TMEM38B: variants seen among roughly 807,000 people sequenced by gnomAD.
TMEM38B encodes trimeric intracellular cation channel type B.
Under a neutral mutation model 28.7 loss-of-function variants are expected in TMEM38B, and 24 were observed. The observed-to-expected ratio is 0.84, with a 90% CI of 0.61 to 1.18. TMEM38B has a LOEUF of 1.18. Ranked by LOEUF, TMEM38B falls within the 50% of genes most tolerant of loss-of-function variation. TMEM38B has a pLI of 0.00. For synonymous variants in TMEM38B, 131 were observed against 127.7 expected (o/e 1.03, Z -0.17); for missense variants, 380 against 350.9 (o/e 1.08, Z -0.66).
chr9:105,741,351 G>A (rs1192174029), intron 4 of TMEM38B, among the ~76,000 whole-genome samples: 1 of 152,158 alleles, frequency 6.6e-6, no homozygotes, highest in African/African-American at 2.4e-5. Context: ...GAGGCTAGAG[G>A]AATTTTGAAG....
intron 5 of TMEM38B, among the ~76,000 whole-genome samples, chr9:105,752,162 G>A (rs959278776): frequency 2.6e-5 from 4 of 152,058 alleles, no homozygotes; most frequent in Admixed American, 2.0e-4. Flanking sequence ...TTCCAGCCAG[G>A]GTTCTCCATC....
chr9:105,720,903 T>G (rs1476605318), intron 2 of TMEM38B, among the ~76,000 whole-genome samples: 2 of 152,154 alleles, frequency 1.3e-5, no homozygotes, highest in Non-Finnish European at 2.9e-5. Context: ...ATGAATTATT[T>G]TTAATCACAG....
chr9:105,697,452 A>G (rs1328942698), intron 1 of TMEM38B, among the ~76,000 whole-genome samples: 1 of 152,190 alleles, frequency 6.6e-6, no homozygotes, highest in African/African-American at 2.4e-5. Context: ...TGACAGTTCT[A>G]TTATTGGTCT....
intron 1 of TMEM38B, among the ~76,000 whole-genome samples, chr9:105,700,025 C>G (rs1173178799): frequency 6.6e-6 from 1 of 152,166 alleles, no homozygotes; most frequent in Non-Finnish European, 1.5e-5. Context: ...TTTCTTCAAT[C>G]CTACATTCAC....
In TMEM38B at chr9:105,775,530, A is replaced by G. The variant is rs1228708030; in HGVS notation, c.*1450A>G. 6.6e-6 allele frequency: 1 copy of G among 152,068 alleles called. No homozygotes were observed. The highest frequency in any genetic ancestry group is 1.5e-5 in the Non-Finnish European group (1 of 67,988). 9.4% of individuals were successfully genotyped at this position (152,068 alleles called of 1,614,324 possible). A position where few individuals can be genotyped will look rare whatever the true frequency, so the allele number is the denominator to read the frequency against. The stretch of plus-strand genomic sequence containing the variant: ...GTTATTTTAAATTTTTAACAAATAT[A>G]AACACCAGCAGATACTATTACTTGC... On this transcript the variant is annotated 3_prime_UTR_variant, in exon 6 of 6. Coordinates refer to ENST00000374692, the MANE Select transcript of TMEM38B (RefSeq NM_018112.3).
At chr9:105,709,056 T>G (rs906011325) in intron 2 of TMEM38B, among the ~76,000 whole-genome samples, 2 of 152,028 alleles carry the variant, frequency 1.3e-5, no homozygotes, top group African/African-American at 4.8e-5. Flanking sequence ...CCCTATAAAA[T>G]GTACATGTAA....
At chr9:105,759,526 G>A in intron 5 of TMEM38B, 1 of 1,571,848 alleles carries the variant, frequency 6.4e-7, no homozygotes, top group South Asian at 1.1e-5. Context: ...TAATTTAATA[G>A]GGTTAAGTGG....
At chr9:105,754,872 G>A (rs1837779907) in intron 5 of TMEM38B, among the ~76,000 whole-genome samples, 1 of 152,062 alleles carries the variant, frequency 6.6e-6, no homozygotes, top group Admixed American at 6.6e-5. Flanking sequence ...TAGACTACTA[G>A]CTAGACTAAT....
At chr9:105,730,487 G>T (rs1168852765) in intron 4 of TMEM38B, among the ~76,000 whole-genome samples, 1 of 152,146 alleles carries the variant, frequency 6.6e-6, no homozygotes, top group Admixed American at 6.6e-5. Flanking sequence ...TTTTATTGAG[G>T]ATTTTTCCAT....
At chr9:105,700,175 T>C (rs1835418163) in intron 1 of TMEM38B, among the ~76,000 whole-genome samples, 1 of 152,202 alleles carries the variant, frequency 6.6e-6, no homozygotes. Context: ...TAGCAAATAT[T>C]CATTGAAACT....
At chr9:105,699,319 C>T (rs1170248764) in intron 1 of TMEM38B, among the ~76,000 whole-genome samples, 2 of 152,014 alleles carry the variant, frequency 1.3e-5, no homozygotes, top group African/African-American at 4.8e-5. Flanking sequence ...TTTTCCTATC[C>T]CCCCAGTGAT....
chr9:105,715,418 C>T (rs914339833), intron 2 of TMEM38B, among the ~76,000 whole-genome samples: 1 of 151,862 alleles, frequency 6.6e-6, no homozygotes, highest in African/African-American at 2.4e-5. Flanking sequence ...ACAGTATTCT[C>T]TTCTACATGG....
chr9:105,774,247 T>C lies in TMEM38B; in HGVS notation c.*167T>C. The C allele has an allele frequency of 1.6e-6, 1 of 613,320 alleles. No homozygotes were observed. Among genetic ancestry groups the C allele is most frequent in the Non-Finnish European group, 2.8e-6 (1 of 351,350 alleles). 38.0% of individuals were successfully genotyped at this position (613,320 alleles called of 1,614,324 possible). ...TGAGGGAGACTTCCCCTTTCTGGAT[T>C]GTATTTGTAGAGTGTTACGAGTGTA... On this transcript the variant is annotated 3_prime_UTR_variant, in exon 6 of 6. Coordinates refer to ENST00000374692, the MANE Select transcript of TMEM38B (RefSeq NM_018112.3).
intron 2 of TMEM38B, among the ~76,000 whole-genome samples, chr9:105,720,780 A>C (rs951814753): frequency 5.3e-5 from 8 of 152,166 alleles, no homozygotes; most frequent in African/African-American, 1.9e-4. Flanking sequence ...CAGCCAGAGT[A>C]TTTGGAGAAT....
intron 5 of TMEM38B, among the ~76,000 whole-genome samples, chr9:105,764,257 A>C (rs1326918152): frequency 6.6e-6 from 1 of 152,158 alleles, no homozygotes; most frequent in African/African-American, 2.4e-5. Flanking sequence ...GAAGGAAATA[A>C]AGGGTATTCA....
chr9:105,740,188 C>A (rs1180401217), intron 4 of TMEM38B, among the ~76,000 whole-genome samples: 1 of 151,130 alleles, frequency 6.6e-6, no homozygotes, highest in African/African-American at 2.4e-5. Flanking sequence ...TGGCCTTAAA[C>A]TTTTTTCAGT....
At chr9:105,729,560 G>A (rs1223985436) in intron 4 of TMEM38B, among the ~76,000 whole-genome samples, 2 of 152,128 alleles carry the variant, frequency 1.3e-5, no homozygotes, top group East Asian at 1.9e-4. Flanking sequence ...TCTTGGCTCT[G>A]CAGGCTCTTT....
At chr9:105,703,728 A>G (rs1253025610) in intron 1 of TMEM38B, among the ~76,000 whole-genome samples, 1 of 151,718 alleles carries the variant, frequency 6.6e-6, no homozygotes, top group Non-Finnish European at 1.5e-5. Context: ...TGACTTTTTA[A>G]TGATTGCCAT....
At chr9:105,760,363 C>A in intron 5 of TMEM38B, 1 of 763,882 alleles carries the variant, frequency 1.3e-6, no homozygotes, top group Admixed American at 1.8e-5. Flanking sequence ...TCAGGAAATT[C>A]TTCAAGTACC....
Sources: gnomAD v4.1 joint callset for allele counts (sites outside exome capture counted in the v4.1 genomes callset) on GRCh38, gnomAD v4.1.1 for gene constraint, MANE v1.5 for transcripts, NCBI Gene and HGNC (gene_info 2026-07-23, HGNC 2026-07-21) for gene names.